The following TMC5 variants were observed in gnomAD, a reference collection of about 807,000 sequenced individuals.
The protein encoded by TMC5 is transmembrane channel-like protein 5.
In TMC5, 86 loss-of-function variants were observed where a neutral mutation model predicts 110.5. That is an observed-to-expected ratio of 0.78 (90% CI 0.65 to 0.93). The LOEUF (loss-of-function observed/expected upper bound fraction) is 0.93. TMC5 is among the 40% of genes least tolerant of loss of function. TMC5 has a pLI of 0.00. For synonymous variants in TMC5, 455 were observed against 439.5 expected, an observed-to-expected ratio of 1.04 and a Z score of -0.44; for missense variants, 1,144 against 1,222.8, an observed-to-expected ratio of 0.94 and a Z score of 0.96.
At chr16:19,483,794 G>T (rs903368469) in intron 15 of TMC5, among the ~76,000 whole-genome samples, 5 of 140,810 alleles carry the variant, frequency 3.6e-5, no homozygotes, top group Admixed American at 2.8e-4. Context: ...GAAAAGAAAA[G>T]AAAAGAAAAG....
intron 20 of TMC5, among the ~76,000 whole-genome samples, chr16:19,495,018 T>TTAA (rs1204162452): frequency 2.4e-3 from 46 of 19,552 alleles, no homozygotes; most frequent in South Asian, 0.017. Flanking sequence ...ATTCTTTTTT[T>TTAA]TTTTTTTTTT....
Position 19,440,528 on chromosome 16 carries a change from C to T in TMC5, c.490C>T (p.Pro164Ser). ...DHFGSLEPDY[P>S]GAQSNSDHPG... Reference sequence around the variant, plus strand: ...TTTTGGCTCCTTAGAACCGGACTACCCTGGAGCTCAGAGCAACTCTGATCA... The same window carrying T: ...TTTTGGCTCCTTAGAACCGGACTACTCTGGAGCTCAGAGCAACTCTGATCA... Residue 164 changes from proline to serine, a missense_variant, in exon 3 of 22, where the codon CCT becomes TCT. Coordinates refer to ENST00000542583, the MANE Select transcript of TMC5 (RefSeq NM_001261841.2). The T allele has an allele frequency of 6.2e-7, 1 of 1,614,172 alleles. No individual in the cohort carries two copies. The highest frequency in any genetic ancestry group is 8.5e-7 in the Non-Finnish European group (1 of 1,180,018).
intron 2 of TMC5, among the ~76,000 whole-genome samples, chr16:19,438,019 C>G (rs1967385747): frequency 6.6e-6 from 1 of 152,146 alleles, no homozygotes; most frequent in African/African-American, 2.4e-5. Flanking sequence ...GGAGTACAGT[C>G]AGCCCTTCCT....
upstream of TMC5, among the ~76,000 whole-genome samples, chr16:19,414,722 C>A (rs1181007403): frequency 6.6e-6 from 1 of 151,944 alleles, no homozygotes; most frequent in Non-Finnish European, 1.5e-5. Context: ...GCCTAGGCAA[C>A]ATAGGGAGAC....
Position 19,496,157 on chromosome 16 carries a change from CA to C in TMC5, c.2932-949del, listed in dbSNP as rs34143697. 4.7e-3 allele frequency among the ~76,000 whole-genome samples: 640 copies of C among 136,210 alleles called. 5 individuals are homozygous for C. The highest frequency in any genetic ancestry group is 0.016 in the African/African-American group (574 of 35,608). 89.4% of individuals were successfully genotyped at this position (136,210 alleles called of 152,430 possible). A position where few individuals can be genotyped will look rare whatever the true frequency, so the allele number is the denominator to read the frequency against. On this transcript the variant is annotated intron_variant, in intron 20 of 21. Coordinates refer to ENST00000542583, the MANE Select transcript of TMC5 (RefSeq NM_001261841.2). Reference sequence around the variant, plus strand: ...TGGGCAACAGTGCAAGACTCCGTGTCAAAAAAAAAAAAAAATTAAAAAGTTA... The same window carrying C: ...TGGGCAACAGTGCAAGACTCCGTGTCAAAAAAAAAAAAAATTAAAAAGTTA...
intron 5 of TMC5, among the ~76,000 whole-genome samples, chr16:19,455,033 G>T (rs1341670638): frequency 6.6e-6 from 1 of 152,116 alleles, no homozygotes; most frequent in Admixed American, 6.5e-5. Flanking sequence ...TACTCAGGAG[G>T]CTGAAGCAGG....
chr16:19,416,056 C>T (rs1434026013), upstream of TMC5, among the ~76,000 whole-genome samples: 2 of 151,992 alleles, frequency 1.3e-5, no homozygotes, highest in Non-Finnish European at 2.9e-5. Context: ...TGGTACATAC[C>T]TGTAGTCTCA....
At chr16:19,410,912 G>T (rs1966854285) in exon 1 of TMC5, 1 of 152,314 alleles carries the variant, frequency 6.6e-6, no homozygotes, top group Admixed American at 6.5e-5. Context: ...GCGCCCAAGC[G>T]TGGCAGCACG....
At chr16:19,437,095 C>T (rs66993071) in intron 2 of TMC5, among the ~76,000 whole-genome samples, 8,054 of 152,200 alleles carry the variant, frequency 0.053, 347 homozygotes, top group African/African-American at 0.11. Flanking sequence ...GGCTCACCTA[C>T]GCTTGGGAGG....
upstream of TMC5, among the ~76,000 whole-genome samples, chr16:19,413,829 C>T (rs1966864258): frequency 6.6e-6 from 1 of 152,194 alleles, no homozygotes. Flanking sequence ...CTTGCCTCTG[C>T]CACTTTCTTG....
intron 12 of TMC5, 109 bp downstream of exon 12, chr16:19,474,385 A>G (rs2143657897): frequency 7.6e-7 from 1 of 1,310,002 alleles, no homozygotes; most frequent in Non-Finnish European, 1.1e-6. Flanking sequence ...CCAGAGAGGA[A>G]GAATTTCAAA....
chr16:19,490,209 A>C (rs3830052), intron 17 of TMC5, among the ~76,000 whole-genome samples, 186 bp from the exon 18 acceptor site: 33,880 of 152,010 alleles, frequency 0.22, 5,179 homozygotes, highest in East Asian at 0.57. Context: ...ATCTGAGAGC[A>C]GGTCCTTAGA....
intron 13 of TMC5, among the ~76,000 whole-genome samples, chr16:19,478,933 C>T (rs1968551026): frequency 1.3e-5 from 2 of 152,200 alleles, no homozygotes; most frequent in Admixed American, 1.3e-4. Flanking sequence ...AAGTTCCTAG[C>T]CACTAGTTTC....
At chr16:19,461,668 G>A (rs1484358417) in intron 6 of TMC5, among the ~76,000 whole-genome samples, 1 of 152,096 alleles carries the variant, frequency 6.6e-6, no homozygotes, top group Non-Finnish European at 1.5e-5. Flanking sequence ...GGTAAGGGCT[G>A]TTTTAGCCTT....
At chr16:19,449,335 G>A (rs990914769) in intron 4 of TMC5, among the ~76,000 whole-genome samples, 1 of 152,100 alleles carries the variant, frequency 6.6e-6, no homozygotes, top group African/African-American at 2.4e-5. Context: ...CATTGATCTA[G>A]GCTGATTATA....
At chr16:19,491,036 G>A (rs1303667109) in intron 18 of TMC5, among the ~76,000 whole-genome samples, 1 of 141,376 alleles carries the variant, frequency 7.1e-6, no homozygotes, top group Non-Finnish European at 1.5e-5. Flanking sequence ...GTTGAGACAG[G>A]GTCATGATCT....
At chr16:19,490,760 T>C (rs932756512) in intron 18 of TMC5, among the ~76,000 whole-genome samples, 192 bp downstream of exon 18, 1 of 51,292 alleles carries the variant, frequency 1.9e-5, no homozygotes, top group African/African-American at 4.1e-5. Flanking sequence ...CCTTCCTTCC[T>C]TCCCTTCCTT....
intron 20 of TMC5, among the ~76,000 whole-genome samples, chr16:19,496,887 CAAAAAAAAAAAA>C (rs67040638): frequency 1.2e-5 from 1 of 80,244 alleles, no homozygotes. Context: ...AAGACTCTGT[CAAAAAAAAAAAA>C]AAAAAAAAAA....
At chr16:19,418,944 G>C (rs1376646345) in intron 1 of TMC5, among the ~76,000 whole-genome samples, 2 of 152,130 alleles carry the variant, frequency 1.3e-5, no homozygotes, top group Non-Finnish European at 2.9e-5. Context: ...GCCTAGGATG[G>C]TCTCAAACTC....
Sources: allele counts gnomAD v4.1 joint callset (sites outside exome capture counted in the v4.1 genomes callset), GRCh38; gene constraint gnomAD v4.1.1; transcripts MANE v1.5; gene names NCBI Gene and HGNC (gene_info 2026-07-23, HGNC 2026-07-21).